The following TMC3 variants were observed in gnomAD, a reference collection of about 807,000 sequenced individuals.
TMC3 encodes the protein transmembrane channel-like protein 3.
Under a neutral mutation model 110.6 loss-of-function variants are expected in TMC3, and 98 were observed. The observed-to-expected ratio is 0.89, with a 90% CI of 0.75 to 1.05. The LOEUF (loss-of-function observed/expected upper bound fraction) is 1.05. Among genes scored for constraint, TMC3 ranks in the 50% least tolerant of loss-of-function variants. The probability of loss-of-function intolerance (pLI) is 0.00; values close to 1 mark genes in which losing one functional copy is unlikely to be tolerated. For synonymous variants in TMC3, 489 were observed against 513.1 expected (o/e 0.95, Z 0.63); for missense variants, 1,319 against 1,373.2 (o/e 0.96, Z 0.62).
At chr15:81,350,276 C>T (rs1207705189) in intron 10 of TMC3, among the ~76,000 whole-genome samples, 4 of 152,106 alleles carry the variant, frequency 2.6e-5, no homozygotes, top group Non-Finnish European at 5.9e-5. Flanking sequence ...CCACATTTTC[C>T]CCAATTACCA....
intron 10 of TMC3, among the ~76,000 whole-genome samples, chr15:81,349,876 G>T (rs1033453426): frequency 6.6e-6 from 1 of 150,556 alleles, no homozygotes; most frequent in African/African-American, 2.5e-5. Context: ...CACTTTGGGA[G>T]GCTTGTGAGG....
At chr15:81,350,524 A>G (rs1447348228) in intron 10 of TMC3, among the ~76,000 whole-genome samples, 1 of 152,226 alleles carries the variant, frequency 6.6e-6, no homozygotes, top group Non-Finnish European at 1.5e-5. Flanking sequence ...TCTTTCAAAA[A>G]CTATTCATAT....
chr15:81,333,180 C>T lies in TMC3; in HGVS notation c.2542G>A (p.Glu848Lys), dbSNP rs774907808. The T allele has an allele frequency of 3.1e-6, 5 of 1,613,972 alleles. No individual in the cohort carries two copies. The highest frequency in any genetic ancestry group is 1.1e-5 in the South Asian group (1 of 91,084). Residue 848 changes from glutamate (E) to lysine (K), a missense_variant, in exon 22 of 22, where the codon GAA (glutamate) becomes AAA (lysine). By Grantham distance (56) the Glu-to-Lys change is moderately conservative. Coordinates refer to ENST00000359440, the MANE Select transcript of TMC3 (RefSeq NM_001080532.3). ...RTPMTFTTHI[E>K]DVHSEPLFRK... The stretch of plus-strand genomic sequence containing the variant: ...AAAAGAGGTTCTGAGTGTACATCTT[C>T]GATGTGCGTTGTAAATGTCATAGGT...
chr15:81,343,151 T>C, intron 15 of TMC3, 127 bp downstream of exon 15: 2 of 563,922 alleles, frequency 3.5e-6, no homozygotes, highest in Non-Finnish European at 6.5e-6. Context: ...GAAATAATAA[T>C]CTTGGAAACA....
At chr15:81,363,234 G>C (rs1440517682) in intron 3 of TMC3, among the ~76,000 whole-genome samples, 3 of 148,304 alleles carry the variant, frequency 2.0e-5, no homozygotes, top group Middle Eastern at 3.2e-3. Flanking sequence ...CTGGGGGACA[G>C]AGTGAGACTC....
At chr15:81,365,364 A>G (rs1317165652) in intron 3 of TMC3, among the ~76,000 whole-genome samples, 4 of 152,268 alleles carry the variant, frequency 2.6e-5, no homozygotes, top group Admixed American at 6.5e-5. Context: ...AGATGAATAA[A>G]GTATGCTCTT....
intron 2 of TMC3, 123 bp from the exon 3 acceptor site, chr15:81,368,451 G>T (rs1894365185): frequency 2.9e-6 from 2 of 688,196 alleles, no homozygotes; most frequent in South Asian, 3.3e-5. Flanking sequence ...AGCAAAAGAT[G>T]CCATGAGAGA....
chr15:81,362,135 G>T, intron 4 of TMC3, 85 bp downstream of exon 4: 1 of 1,250,256 alleles, frequency 8.0e-7, no homozygotes, highest in Non-Finnish European at 1.1e-6. Flanking sequence ...ACAGCATAAG[G>T]ACCAGAACAC....
Position 81,333,271 on chromosome 15 carries a change from CAG to C in TMC3, c.2460-11_2460-10del, listed in dbSNP as rs1893515923. 1.9e-6 allele frequency: 3 copies of C among 1,591,946 alleles called. No individual in the cohort carries two copies. The highest frequency in any genetic ancestry group is 1.1e-5 in the South Asian group (1 of 87,722). Reference sequence around the variant, plus strand: ...ACAGACCGTGCAGATACCTGTAAGACAGGGGCGGTTAAGTAGCTGTGGCCTTG... The same window carrying C: ...ACAGACCGTGCAGATACCTGTAAGACGGGCGGTTAAGTAGCTGTGGCCTTG... On this transcript the variant is annotated splice_polypyrimidine_tract_variant and intron_variant, in intron 21 of 21. Coordinates refer to ENST00000359440, the MANE Select transcript of TMC3 (RefSeq NM_001080532.3).
rs746814480 is a variant in TMC3, at chr15:81,338,758, T to G, written c.1978A>C (p.Ile660Leu). The G allele has an allele frequency of 2.5e-6, 4 of 1,613,734 alleles. No individual in the cohort carries two copies. The highest frequency in any genetic ancestry group is 1.3e-5 in the African/African-American group (1 of 74,914). ...PFSGQEKIYD[I>L]VSETIEKDFP... is the part of the protein sequence containing the mutation. ...TCTTTCTCAATCGTTTCTGACACAATGTCATAAATTTTCTCTTGTCCACTG... is the reference window on the plus strand; with the variant it reads ...TCTTTCTCAATCGTTTCTGACACAAGGTCATAAATTTTCTCTTGTCCACTG... The change falls in exon 18 of 22, where the codon ATT becomes CTT. Residue 660 changes from isoleucine to leucine, a missense_variant. Coordinates refer to ENST00000359440, the MANE Select transcript of TMC3 (RefSeq NM_001080532.3).
chr15:81,343,780 C>G, intron 14 of TMC3, 137 bp downstream of exon 14: 1 of 863,338 alleles, frequency 1.2e-6, no homozygotes, highest in Non-Finnish European at 1.7e-6. Flanking sequence ...GCTCAGCTTT[C>G]TGCACCCATC....
chr15:81,371,911 C>G (rs1433483109), intron 2 of TMC3, among the ~76,000 whole-genome samples: 1 of 152,104 alleles, frequency 6.6e-6, no homozygotes, highest in Non-Finnish European at 1.5e-5. Flanking sequence ...AAGGGCTATT[C>G]CTCACCATCG....
chr15:81,346,376 T>G lies in TMC3; in HGVS notation c.1261A>C (p.Met421Leu), dbSNP rs1462176538. ...GGATGGGCACTCACCTCAATGCTCA[T>G]GCTGTTAACTTTGTCCAGGAGAGCA... The part of the protein sequence containing the change: ...IIALLDKVNS[M>L]SIEEMATKNN... Residue 421 changes from methionine (M) to leucine (L), a missense_variant, in exon 12 of 22, where the codon ATG becomes CTG. Coordinates refer to ENST00000359440, the MANE Select transcript of TMC3 (RefSeq NM_001080532.3). The G allele has an allele frequency of 6.2e-7, 1 of 1,613,632 alleles. No individual in the cohort carries two copies. Among genetic ancestry groups the G allele is most frequent in the Non-Finnish European group, 8.5e-7 (1 of 1,179,832 alleles).
intron 21 of TMC3, 108 bp downstream of exon 21, chr15:81,334,612 A>G (rs1893548835): frequency 7.1e-7 from 1 of 1,416,854 alleles, no homozygotes; most frequent in Non-Finnish European, 9.4e-7. Flanking sequence ...CTCCTGACCC[A>G]TGCCTTCTGG....
In TMC3 at chr15:81,344,115, C is replaced by T. The variant is rs1893774702; in HGVS notation, c.1519-70G>A. 3 of 1,523,750 alleles carry T rather than the reference C, an allele frequency of 2.0e-6. No individual in the cohort carries two copies. The African/African-American group carries it at 4.1e-5, about 21-fold the overall frequency. The allele number at this position is 1,523,750 out of a possible 1,614,324, so 94.4% of individuals were successfully genotyped here. A position where few individuals can be genotyped will look rare whatever the true frequency, so the allele number is the denominator to read the frequency against. ...CCACGGTCACTCTTCCTTCAGGGTG[C>T]TCCTAATCTCTGTTCATTCTTGTGG... is the stretch of plus-strand genomic sequence containing the variant. On this transcript the variant is annotated intron_variant, in intron 13 of 21. Coordinates refer to ENST00000359440, the MANE Select transcript of TMC3 (RefSeq NM_001080532.3).
chr15:81,356,369 G>A (rs1273947019), intron 8 of TMC3, 78 bp downstream of exon 8: 7 of 1,472,802 alleles, frequency 4.8e-6, no homozygotes, highest in Non-Finnish European at 6.4e-6. Context: ...GATGGTTCTG[G>A]CTTCCAGCTG....
Position 81,334,794 on chromosome 15 carries a change from C to T in TMC3, c.2385G>A (p.Pro795=), listed in dbSNP as rs747725346. ...AGCTAGGAGCCCTGTCCCCTGGCCT[C>T]GGGCTCTGGGGCATGGACTGTGCGA... ...ETVAQSMPQS[P]RPGDRAPSSP... Residue 795 remains proline (P), a synonymous_variant, in exon 21 of 22, where the codon CCG becomes CCA. Transcript: ENST00000359440. 20 of 1,613,990 alleles carry T rather than the reference C, an allele frequency of 1.2e-5. No homozygotes were observed. The Middle Eastern group carries it at 1.2e-3, about 93-fold the overall frequency.
chr15:81,354,819 T>C (rs1894024272), intron 9 of TMC3, among the ~76,000 whole-genome samples: 5 of 152,152 alleles, frequency 3.3e-5, no homozygotes, highest in Admixed American at 3.3e-4. Context: ...AATGAGAAGA[T>C]AAATGTCACT....
Position 81,359,407 on chromosome 15 carries a change from A to G in TMC3, c.459T>C (p.Ile153=), listed in dbSNP as rs753466547. The change falls in exon 5 of 22, where the codon ATT becomes ATC. Residue 153 remains isoleucine, a synonymous_variant. Coordinates refer to ENST00000359440, the MANE Select transcript of TMC3 (RefSeq NM_001080532.3). ...AAGCACCTGTCATAATGGTGAGCAC[A>G]ATATTAATTCCAAATAACCATCTCA... ...IFLRWLFGIN[I]VLTIMTGAFI... 2.5e-6 allele frequency: 4 copies of G among 1,606,934 alleles called. No individual in the cohort carries two copies. In the South Asian group the frequency reaches 3.4e-5, roughly 14 times the overall value.
Sources: gnomAD v4.1 joint callset for allele counts (sites outside exome capture counted in the v4.1 genomes callset) on GRCh38, gnomAD v4.1.1 for gene constraint, MANE v1.5 for transcripts, NCBI Gene and HGNC (gene_info 2026-07-23, HGNC 2026-07-21) for gene names.